Variants in FGD6 observed in about 807,000 individuals in gnomAD.
FGD6 encodes the protein FYVE, RhoGEF and PH domain containing 6.
A neutral mutation model predicts 149.4 loss-of-function variants in FGD6; 90 were observed. The observed-to-expected ratio is 0.60, with a 90% CI of 0.51 to 0.72. The LOEUF is 0.72. FGD6 is among the 30% of genes least tolerant of loss of function. The pLI, the probability that FGD6 is intolerant of heterozygous loss-of-function variation, is 0.00. For missense variants in FGD6, 1,437 were observed against 1,684.8 expected (o/e 0.85, Z 2.57); for synonymous variants, 527 against 584.0 (o/e 0.90, Z 1.41).
chr12:95,196,971 C>T (rs1881750261), intron 2 of FGD6, among the ~76,000 whole-genome samples: 1 of 152,176 alleles, frequency 6.6e-6, no homozygotes, highest in Admixed American at 6.5e-5. Flanking sequence ...AAAGAGGCAT[C>T]TCAATCCGTT....
intron 3 of FGD6, among the ~76,000 whole-genome samples, chr12:95,154,799 C>T (rs1280029948): frequency 6.6e-6 from 1 of 151,794 alleles, no homozygotes; most frequent in Admixed American, 6.6e-5. Flanking sequence ...TGAAATGCCA[C>T]AGGAAAAAAA....
At chr12:95,136,768 C>T (rs575560765) in intron 7 of FGD6, among the ~76,000 whole-genome samples, 1 of 152,248 alleles carries the variant, frequency 6.6e-6, no homozygotes, top group South Asian at 2.1e-4. Context: ...AGTCAGAAAG[C>T]AGAATGGTGG....
Position 95,209,444 on chromosome 12 carries a change from A to G in FGD6, c.1840T>C (p.Cys614Arg). 1 of 1,612,598 alleles carries G rather than the reference A, an allele frequency of 6.2e-7. No individual in the cohort carries two copies. The highest frequency in any genetic ancestry group is 2.2e-5 in the East Asian group (1 of 44,860). Residue 614 changes from cysteine to arginine, a missense_variant, in exon 2 of 21, where the codon TGC becomes CGC. By Grantham distance (180) the Cys-to-Arg change is radical. Coordinates refer to ENST00000343958, the MANE Select transcript of FGD6 (RefSeq NM_018351.4). ...KSLSAMDVEK[C>R]TKPCKDSTKK... ...GTAGAGTCTTTGCAAGGCTTAGTGC[A>G]CTTTTCCACATCCATAGCAGATAAC...
intron 8 of FGD6, among the ~76,000 whole-genome samples, chr12:95,132,641 A>G (rs899548835): frequency 8.5e-5 from 13 of 152,154 alleles, no homozygotes; most frequent in African/African-American, 2.6e-4. Context: ...AGTCCCAGCT[A>G]CTCGGGAGGC....
intron 2 of FGD6, among the ~76,000 whole-genome samples, chr12:95,178,591 G>GT (rs1254975171): frequency 6.6e-6 from 1 of 152,096 alleles, no homozygotes; most frequent in Non-Finnish European, 1.5e-5. Context: ...CATTATAAAG[G>GT]TATCAAATAT....
At chr12:95,140,445 C>T (rs766286143) in intron 6 of FGD6, among the ~76,000 whole-genome samples, 8 of 152,080 alleles carry the variant, frequency 5.3e-5, no homozygotes, top group Non-Finnish European at 8.8e-5. Context: ...GATGAAACCC[C>T]GCCTCTACTA....
chr12:95,183,818 C>CA (rs1592867223), intron 2 of FGD6, among the ~76,000 whole-genome samples: 1 of 152,168 alleles, frequency 6.6e-6, no homozygotes, highest in African/African-American at 2.4e-5. Flanking sequence ...GGCTGGGTGA[C>CA]AGAGCAAGAA....
chr12:95,152,884 T>TG (rs1418839316), intron 4 of FGD6, 42 bp downstream of exon 4: 1 of 1,613,516 alleles, frequency 6.2e-7, no homozygotes, highest in East Asian at 2.2e-5. Flanking sequence ...AATGTGCCAA[T>TG]GGGGGGAAAA....
intron 18 of FGD6, 35 bp downstream of exon 18, chr12:95,089,534 C>A: frequency 6.2e-7 from 1 of 1,608,626 alleles, no homozygotes; most frequent in East Asian, 2.2e-5. Context: ...ATAATTCAGC[C>A]TCTATCACAT....
chr12:95,129,700 T>A (rs946202217), intron 8 of FGD6, among the ~76,000 whole-genome samples: 3 of 152,104 alleles, frequency 2.0e-5, no homozygotes, highest in Admixed American at 6.5e-5. Flanking sequence ...TGAGACAGAG[T>A]CTTGCTCTGT....
chr12:95,137,075 C>T (rs996446467), intron 7 of FGD6, among the ~76,000 whole-genome samples: 1 of 152,070 alleles, frequency 6.6e-6, no homozygotes, highest in South Asian at 2.1e-4. Flanking sequence ...GTCAGGAATT[C>T]GAGACCAGCC....
At chr12:95,101,262 G>GC (rs1419409854) in intron 14 of FGD6, among the ~76,000 whole-genome samples, 1 of 152,044 alleles carries the variant, frequency 6.6e-6, no homozygotes, top group African/African-American at 2.4e-5. Context: ...CAGAAGAATT[G>GC]CTCGAACCCG....
At chr12:95,131,960 A>G (rs1879533473) in intron 8 of FGD6, among the ~76,000 whole-genome samples, 1 of 152,110 alleles carries the variant, frequency 6.6e-6, no homozygotes. Context: ...GGATAACTTG[A>G]ACCTGGTAGG....
chr12:95,127,414 C>T (rs931305692), intron 8 of FGD6, among the ~76,000 whole-genome samples: 11 of 152,042 alleles, frequency 7.2e-5, no homozygotes, highest in South Asian at 2.1e-4. Context: ...CATGGTGGCA[C>T]GTGCCTGTAG....
chr12:95,216,821 A>AC (rs2056810130), intron 1 of FGD6, among the ~76,000 whole-genome samples: 1 of 152,200 alleles, frequency 6.6e-6, no homozygotes, highest in Non-Finnish European at 1.5e-5. Context: ...CGACTCACTT[A>AC]GTGGCCAAAT....
chr12:95,110,757 A>G (rs1878794190), intron 9 of FGD6, among the ~76,000 whole-genome samples: 1 of 152,104 alleles, frequency 6.6e-6, no homozygotes, highest in African/African-American at 2.4e-5. Context: ...TTCCCGGTGG[A>G]CAGGGGAGAG....
intron 3 of FGD6, among the ~76,000 whole-genome samples, chr12:95,171,064 G>C (rs777393400): frequency 6.6e-6 from 1 of 152,110 alleles, no homozygotes; most frequent in Non-Finnish European, 1.5e-5. Flanking sequence ...TGCTTTCCAT[G>C]TATCAGATTA....
Position 95,209,828 on chromosome 12 carries a change from T to A in FGD6, c.1456A>T (p.Ile486Leu). The A allele has an allele frequency of 6.2e-7, 1 of 1,608,720 alleles. No homozygotes were observed. The change falls in exon 2 of 21, where the codon ATA becomes TTA. Residue 486 changes from isoleucine to leucine, a missense_variant. Physicochemically the swap from Ile to Leu is conservative, Grantham distance 5. Coordinates refer to ENST00000343958, the MANE Select transcript of FGD6 (RefSeq NM_018351.4). The stretch of plus-strand genomic sequence containing the variant: ...ATTCGTAGAGAATTTTCCTCTTTTA[T>A]AACAGATTCCTTTTGCATTTGAGGG... ...SAPQMQKESV[I>L]KEENSLRIVP...
chr12:95,097,749 TGTGA>T (rs1036698339), intron 14 of FGD6, among the ~76,000 whole-genome samples: 1 of 151,906 alleles, frequency 6.6e-6, no homozygotes, highest in Non-Finnish European at 1.5e-5. Flanking sequence ...TGAGTAACGC[TGTGA>T]GTAACATTCA....
Sources: allele counts gnomAD v4.1 joint callset (sites outside exome capture counted in the v4.1 genomes callset), GRCh38; gene constraint gnomAD v4.1.1; transcripts MANE v1.5; gene names NCBI Gene and HGNC (gene_info 2026-07-23, HGNC 2026-07-21).